The following ZNF568 variants were observed in gnomAD, a reference collection of about 807,000 sequenced individuals.
The protein encoded by ZNF568 is zinc finger protein 568, also known as p53 inhibitor of SCO2 activation.
In ZNF568, 11 loss-of-function variants were observed where a neutral mutation model predicts 18.1. The ratio of observed to expected loss-of-function variants is 0.61; its 90% CI spans 0.38 to 1.00. The LOEUF (loss-of-function observed/expected upper bound fraction) is 1.00, where lower values mean the gene tolerates loss of function less well. ZNF568 is among the 50% of genes least tolerant of loss of function. The pLI, the probability that ZNF568 is intolerant of heterozygous loss-of-function variation, is 0.01. For missense variants in ZNF568, 639 were observed against 768.2 expected (o/e 0.83, Z 1.99); for synonymous variants, 213 against 246.6 (o/e 0.86, Z 1.28).
intron 4 of ZNF568, among the ~76,000 whole-genome samples, chr19:36,994,794 C>A (rs2074455458): frequency 6.6e-6 from 1 of 152,086 alleles, no homozygotes; most frequent in Non-Finnish European, 1.5e-5. Context: ...GCCTCAGCCT[C>A]CCGAGTAGCT....
Position 36,941,983 on chromosome 19 carries a change from A to ATTT in ZNF568, c.358+4756_358+4758dup, listed in dbSNP as rs4006373. ...AACAAATGTTTATACTGCTCTGTAA[A>ATTT]TTTTTTTTTTTTTTTTTGAGACAGA... On this transcript the variant is annotated intron_variant, in intron 6 of 6. Coordinates refer to ENST00000333987, the MANE Select transcript of ZNF568 (RefSeq NM_198539.4). 1.3e-3 allele frequency among the ~76,000 whole-genome samples: 174 copies of ATTT among 138,236 alleles called. 2 individuals carry two copies. The highest frequency in any genetic ancestry group is 3.4e-3 in the African/African-American group (127 of 37,190). 90.7% of individuals were successfully genotyped at this position (138,236 alleles called of 152,430 possible).
At chr19:36,996,593 T>C (rs1198973521) in exon 5 of ZNF568, 3 of 1,535,734 alleles carry the variant, frequency 2.0e-6, no homozygotes, top group East Asian at 2.4e-5. Context: ...TCATGTCCTA[T>C]TCAACATGAA....
intron 6 of ZNF568, among the ~76,000 whole-genome samples, chr19:36,968,910 C>T (rs931988205): frequency 6.6e-6 from 1 of 151,164 alleles, no homozygotes; most frequent in Non-Finnish European, 1.5e-5. Flanking sequence ...GGCAAGAGTG[C>T]AGTGGCACAA....
intron 6 of ZNF568, among the ~76,000 whole-genome samples, chr19:36,963,998 C>CGGAGGGAG (rs1223365817): frequency 3.8e-5 from 1 of 26,658 alleles, no homozygotes; most frequent in Non-Finnish European, 7.2e-5. Context: ...GGGGGAGGGA[C>CGGAGGGAG]GGAGGGAGGG....
Position 36,994,358 on chromosome 19 carries a change from G to C in ZNF568, c.230-1959G>C, listed in dbSNP as rs78784494. ...CTAACCTGAAAAATGTTCCATACAT[G>C]CTTGAGAAAAATGTGTATTCTCCTG... is the stretch of plus-strand genomic sequence containing the variant. On this transcript the variant is annotated intron_variant, in intron 4 of 4. Transcript: ENST00000433993. Among the ~76,000 whole-genome samples the C allele has an allele frequency of 2.4e-4, 37 of 152,230 alleles. No homozygotes were observed. The East Asian group carries it at 6.9e-3, about 29-fold the overall frequency.
At chr19:36,990,876 G>A (rs533524231) in intron 2 of ZNF568, among the ~76,000 whole-genome samples, 2 of 152,268 alleles carry the variant, frequency 1.3e-5, no homozygotes, top group South Asian at 2.1e-4. Context: ...GTACTTGCAC[G>A]TACAGTTTCA....
chr19:36,977,737 G>T (rs1480493623), intron 7 of ZNF568, among the ~76,000 whole-genome samples: 2 of 152,146 alleles, frequency 1.3e-5, no homozygotes, highest in African/African-American at 4.8e-5. Flanking sequence ...ATTTCTCCCT[G>T]TATCTTCTGT....
chr19:36,927,897 ATATATATTTTTTTTTTTTT>A (rs2073604450), intron 4 of ZNF568, among the ~76,000 whole-genome samples: 1 of 24,740 alleles, frequency 4.0e-5, no homozygotes, highest in African/African-American at 2.5e-4. Context: ...TTATATATAT[ATATATATTTTTTTTTTTTT>A]TTTTTTTTTT....
intron 6 of ZNF568, among the ~76,000 whole-genome samples, chr19:36,963,241 G>A (rs1029240518): frequency 9.9e-6 from 1 of 100,592 alleles, no homozygotes; most frequent in Admixed American, 9.6e-5. Context: ...TGGCTAGGTA[G>A]TATATGGAGA....
At position 36,991,588 on chromosome 19, in the gene ZNF568, T is replaced by C. The variant is rs1033978701; in HGVS notation, c.134-163T>C. On this transcript the variant is annotated intron_variant, in intron 3 of 4. Coordinates refer to the ZNF568 transcript ENST00000433993. Reference sequence around the variant, plus strand: ...GGAATCACATATTGCAAACTTTTTTTCTAATTAGACAAGAAAGGAATTAAT... The same window carrying C: ...GGAATCACATATTGCAAACTTTTTTCCTAATTAGACAAGAAAGGAATTAAT... The C allele has an allele frequency of 7.6e-6, 5 of 656,548 alleles. No homozygotes were observed. In the Admixed American group the frequency reaches 1.6e-4, roughly 21 times the overall value. The allele number at this position is 656,548 out of a possible 1,614,324, so 40.7% of individuals were successfully genotyped here.
At chr19:36,939,160 A>G (rs1378310683) in intron 6 of ZNF568, among the ~76,000 whole-genome samples, 1 of 152,158 alleles carries the variant, frequency 6.6e-6, no homozygotes, top group Non-Finnish European at 1.5e-5. Context: ...TATTATTTGC[A>G]TACTTCCTCT....
At chr19:36,975,400 G>T (rs1188277473) in intron 7 of ZNF568, among the ~76,000 whole-genome samples, 1 of 149,868 alleles carries the variant, frequency 6.7e-6, no homozygotes, top group South Asian at 2.1e-4. Context: ...GCCCGCCTAG[G>T]CCTCCCAATG....
downstream of ZNF568, chr19:36,997,804 G>T: frequency 1.8e-6 from 1 of 569,670 alleles, no homozygotes; most frequent in Non-Finnish European, 3.1e-6. Context: ...CTAAGTGTGA[G>T]ACACCTTATA....
chr19:36,952,681 T>C lies in ZNF568; in HGVS notation c.*1593T>C, dbSNP rs826304. ...AGCTTTGCTTGTAGTTTTTATACCT[T>C]AAAAAGACTGGTAGCATATAAAATA... On this transcript the variant is annotated 3_prime_UTR_variant, in exon 7 of 7. Transcript: ENST00000333987. 5 of 582,048 alleles carry C rather than the reference T, an allele frequency of 8.6e-6. No homozygotes were observed. In the East Asian group the frequency reaches 4.1e-4, roughly 47 times the overall value. The allele number at this position is 582,048 out of a possible 1,614,324, so 36.1% of individuals were successfully genotyped here.
intron 6 of ZNF568, among the ~76,000 whole-genome samples, chr19:36,966,771 T>C (rs967546141): frequency 2.1e-4 from 32 of 152,212 alleles, no homozygotes; most frequent in Non-Finnish European, 4.3e-4. Context: ...GGTGTGTATG[T>C]GAGAATATTC....
chr19:36,962,202 C>T (rs539936757), intron 6 of ZNF568, among the ~76,000 whole-genome samples: 89 of 122,994 alleles, frequency 7.2e-4, no homozygotes, highest in Non-Finnish European at 1.3e-3. Flanking sequence ...AGTCCTTTCT[C>T]TTTCTTCTTT....
intron 4 of ZNF568, among the ~76,000 whole-genome samples, chr19:36,925,836 G>A (rs1027083403): frequency 1.3e-5 from 2 of 152,140 alleles, no homozygotes; most frequent in Admixed American, 6.5e-5. Context: ...ACGGGAGGAC[G>A]TACATTGGTT....
chr19:36,938,994 T>C (rs752225711), intron 6 of ZNF568, among the ~76,000 whole-genome samples: 1 of 152,222 alleles, frequency 6.6e-6, no homozygotes, highest in Non-Finnish European at 1.5e-5. Flanking sequence ...TTTCCTGCTG[T>C]AGCCACTGTT....
chr19:36,950,463 T>C lies in ZNF568; in HGVS notation c.1310T>C (p.Met437Thr), dbSNP rs547483. The C allele has an allele frequency of 0.36, 581,165 of 1,612,508 alleles. 107,456 individuals carry two copies. Among genetic ancestry groups the C allele is most frequent in the African/African-American group, 0.41 (30,841 of 74,620 alleles). The change falls in exon 7 of 7, where the codon ATG (methionine) becomes ACG (threonine). Residue 437 changes from methionine (M) to threonine (T), a missense_variant. Met to Thr is a moderately conservative substitution (Grantham distance 81). Coordinates refer to ENST00000333987, the MANE Select transcript of ZNF568 (RefSeq NM_198539.4). ...CAGAGTTCATCCCTAACCGTACATA[T>C]GCGAAATCATACAGCTGAGAAACCC... ...FSQSSSLTVH[M>T]RNHTAEKPYE...
Sources: allele counts gnomAD v4.1 joint callset (sites outside exome capture counted in the v4.1 genomes callset), GRCh38; gene constraint gnomAD v4.1.1; transcripts MANE v1.5; gene names NCBI Gene and HGNC (gene_info 2026-07-23, HGNC 2026-07-21).